Variants in EFNA5 observed in about 807,000 individuals in gnomAD.
EFNA5 encodes the protein ephrin A5.
Under a neutral mutation model 22.9 loss-of-function variants are expected in EFNA5, and 5 were observed. The observed-to-expected ratio is 0.22, with a 90% CI of 0.11 to 0.46. The LOEUF is 0.46. EFNA5 is among the 20% of genes least tolerant of loss of function. The pLI, the probability that EFNA5 is intolerant of heterozygous loss-of-function variation, is 0.99. For missense variants in EFNA5, 237 were observed against 293.3 expected, an observed-to-expected ratio of 0.81 and a Z score of 1.40; for synonymous variants, 113 against 112.2, an observed-to-expected ratio of 1.01 and a Z score of -0.04.
intron 1 of EFNA5, among the ~76,000 whole-genome samples, chr5:107,429,535 T>C (rs1416502188): frequency 6.6e-6 from 1 of 152,144 alleles, no homozygotes; most frequent in Non-Finnish European, 1.5e-5. Context: ...GAGACAACAT[T>C]GTGAAAAAGT....
At chr5:107,428,084 A>AT (rs1180801086) in intron 1 of EFNA5, among the ~76,000 whole-genome samples, 5 of 152,220 alleles carry the variant, frequency 3.3e-5, no homozygotes, top group Non-Finnish European at 7.3e-5. Context: ...AAACACTTCC[A>AT]TTTTAGAGAA....
chr5:107,600,903 C>T (rs899644225), intron 1 of EFNA5, among the ~76,000 whole-genome samples: 3 of 152,220 alleles, frequency 2.0e-5, no homozygotes, highest in African/African-American at 7.2e-5. Flanking sequence ...AGAAAGATTC[C>T]GTATCTTGAT....
At chr5:107,486,108 G>A (rs1383900768) in intron 1 of EFNA5, among the ~76,000 whole-genome samples, 1 of 152,168 alleles carries the variant, frequency 6.6e-6, no homozygotes, top group African/African-American at 2.4e-5. Flanking sequence ...CAGTAAAACA[G>A]AGACCAATCC....
intron 1 of EFNA5, among the ~76,000 whole-genome samples, chr5:107,638,362 G>A (rs1750431047): frequency 6.6e-6 from 1 of 152,172 alleles, no homozygotes; most frequent in South Asian, 2.1e-4. Context: ...GGTGAAGAAA[G>A]TAGAGAGATG....
chr5:107,583,922 G>T (rs940979016), intron 1 of EFNA5, among the ~76,000 whole-genome samples: 2 of 151,102 alleles, frequency 1.3e-5, no homozygotes, highest in African/African-American at 4.9e-5. Context: ...TAGGTTTTCT[G>T]GTGACCACAG....
chr5:107,639,525 T>C (rs567973208), intron 1 of EFNA5, among the ~76,000 whole-genome samples: 11 of 152,356 alleles, frequency 7.2e-5, no homozygotes, highest in African/African-American at 1.4e-4. Context: ...ACTTTACATA[T>C]GCACAGTGCT....
chr5:107,528,079 A>G (rs1229948337), intron 1 of EFNA5, among the ~76,000 whole-genome samples: 1 of 152,198 alleles, frequency 6.6e-6, no homozygotes, highest in Admixed American at 6.5e-5. Context: ...GCATCTCTAC[A>G]TTGGCACGGA....
At chr5:107,603,933 A>G (rs1034633265) in intron 1 of EFNA5, among the ~76,000 whole-genome samples, 2 of 152,266 alleles carry the variant, frequency 1.3e-5, no homozygotes, top group African/African-American at 4.8e-5. Context: ...TTTCAAAGCA[A>G]GCTGTGATAG....
chr5:107,542,413 G>C (rs1049637713), intron 1 of EFNA5, among the ~76,000 whole-genome samples: 4 of 152,138 alleles, frequency 2.6e-5, no homozygotes, highest in African/African-American at 9.7e-5. Context: ...GGTGATGAAA[G>C]GATATAGTTA....
intron 1 of EFNA5, among the ~76,000 whole-genome samples, chr5:107,491,118 A>T (rs1183991426): frequency 1.3e-5 from 2 of 152,228 alleles, no homozygotes; most frequent in Non-Finnish European, 2.9e-5. Flanking sequence ...TAAAATGTTC[A>T]GAGACTCTTG....
chr5:107,400,621 A>G (rs1580425992), intron 2 of EFNA5, among the ~76,000 whole-genome samples: 1 of 152,262 alleles, frequency 6.6e-6, no homozygotes, highest in East Asian at 1.9e-4. Flanking sequence ...AAAATCTAAC[A>G]TAGTGCTTGG....
At chr5:107,383,389 G>A (rs921793409) in intron 4 of EFNA5, among the ~76,000 whole-genome samples, 4 of 152,260 alleles carry the variant, frequency 2.6e-5, no homozygotes, top group African/African-American at 9.6e-5. Context: ...CCTTGCAAGT[G>A]TATTAATTAA....
At chr5:107,457,888 T>A (rs1167815195) in intron 1 of EFNA5, among the ~76,000 whole-genome samples, 4 of 152,158 alleles carry the variant, frequency 2.6e-5, no homozygotes, top group African/African-American at 9.7e-5. Flanking sequence ...ATATGTTAAT[T>A]CGTTTGCTCC....
intron 1 of EFNA5, among the ~76,000 whole-genome samples, chr5:107,561,831 AT>A (rs1424055280): frequency 6.6e-6 from 1 of 152,170 alleles, no homozygotes; most frequent in African/African-American, 2.4e-5. Flanking sequence ...CTAGTTTATA[AT>A]TTTTATTCCA....
chr5:107,618,936 T>C (rs1749977797), intron 1 of EFNA5, among the ~76,000 whole-genome samples: 1 of 151,930 alleles, frequency 6.6e-6, no homozygotes, highest in African/African-American at 2.4e-5. Context: ...TTTTTTTTTA[T>C]TTTGAGACGG....
intron 1 of EFNA5, among the ~76,000 whole-genome samples, chr5:107,651,984 A>G (rs1750744865): frequency 6.6e-6 from 1 of 152,142 alleles, no homozygotes; most frequent in Non-Finnish European, 1.5e-5. Flanking sequence ...TCCTTCCCCT[A>G]CTAAAAATGC....
intron 1 of EFNA5, among the ~76,000 whole-genome samples, chr5:107,496,749 A>G (rs72789630): frequency 0.053 from 8,085 of 152,294 alleles, 319 homozygotes; most frequent in Non-Finnish European, 0.085. Context: ...CCTGGGGAGG[A>G]ACATCCTGGA....
At chr5:107,560,405 G>C (rs1748511020) in intron 1 of EFNA5, among the ~76,000 whole-genome samples, 1 of 152,172 alleles carries the variant, frequency 6.6e-6, no homozygotes, top group African/African-American at 2.4e-5. Context: ...CTTCTAGTTA[G>C]GTATTATGTA....
chr5:107,600,724 G>C (rs996736770), intron 1 of EFNA5, among the ~76,000 whole-genome samples: 2 of 151,920 alleles, frequency 1.3e-5, no homozygotes, highest in African/African-American at 4.8e-5. Context: ...CTGACCTCAA[G>C]TGATCCACCC....
Sources: gnomAD v4.1 joint callset for allele counts (sites outside exome capture counted in the v4.1 genomes callset) on GRCh38, gnomAD v4.1.1 for gene constraint, MANE v1.5 for transcripts, NCBI Gene and HGNC (gene_info 2026-07-23, HGNC 2026-07-21) for gene names.